HDAC9: variants seen among roughly 807,000 people sequenced by gnomAD.
The protein encoded by HDAC9 is histone deacetylase 9.
In HDAC9, 41 loss-of-function variants were observed where a neutral mutation model predicts 139.4. That is an observed-to-expected ratio of 0.29 (90% confidence interval 0.23 to 0.38). HDAC9 has a LOEUF of 0.38. HDAC9 is among the 10% of genes least tolerant of loss of function. The pLI is 1.00. For synonymous variants in HDAC9, 517 were observed against 476.2 expected, an observed-to-expected ratio of 1.09 and a Z score of -1.12; for missense variants, 1,147 against 1,297.0, an observed-to-expected ratio of 0.88 and a Z score of 1.78.
intron 23 of HDAC9, among the ~76,000 whole-genome samples, chr7:18,940,762 C>A (rs532584618): frequency 6.6e-6 from 1 of 152,086 alleles, no homozygotes; most frequent in Non-Finnish European, 1.5e-5. Flanking sequence ...TTATGCAAAG[C>A]CAATTAGTGG....
chr7:18,802,424 A>G (rs556327747), intron 17 of HDAC9, among the ~76,000 whole-genome samples: 9 of 152,086 alleles, frequency 5.9e-5, no homozygotes, highest in African/African-American at 1.9e-4. Context: ...TTTATTGACA[A>G]GTGTTCTTGC....
intron 2 of HDAC9, among the ~76,000 whole-genome samples, chr7:18,228,304 T>TG (rs989056187): frequency 3.3e-5 from 5 of 151,944 alleles, no homozygotes; most frequent in African/African-American, 1.2e-4. Flanking sequence ...CCTTTTTTTT[T>TG]TTTAATAAAG....
intron 23 of HDAC9, among the ~76,000 whole-genome samples, chr7:18,938,317 C>T (rs567602524): frequency 2.0e-5 from 3 of 151,414 alleles, no homozygotes; most frequent in Non-Finnish European, 2.9e-5. Flanking sequence ...TCTCGCTGGC[C>T]GGGCGCGGTG....
chr7:18,797,913 T>C (rs949824833), intron 17 of HDAC9, among the ~76,000 whole-genome samples: 1 of 152,146 alleles, frequency 6.6e-6, no homozygotes, highest in Non-Finnish European at 1.5e-5. Flanking sequence ...ATCGAATATA[T>C]TCTTCTTCAG....
At chr7:18,760,009 T>A (rs931994500) in intron 14 of HDAC9, among the ~76,000 whole-genome samples, 1 of 152,190 alleles carries the variant, frequency 6.6e-6, no homozygotes, top group African/African-American at 2.4e-5. Context: ...TGAAAGTTTA[T>A]GATAGTCATC....
intron 1 of HDAC9, among the ~76,000 whole-genome samples, chr7:18,109,262 C>T (rs1249365548): frequency 6.6e-6 from 1 of 152,178 alleles, no homozygotes; most frequent in Admixed American, 6.5e-5. Context: ...TCCCCCTTAA[C>T]TACAAATTGA....
chr7:18,987,649 T>C (rs1396533960), intron 25 of HDAC9, among the ~76,000 whole-genome samples: 1 of 152,128 alleles, frequency 6.6e-6, no homozygotes, highest in Non-Finnish European at 1.5e-5. Flanking sequence ...ATGGTACCAG[T>C]TCCTCCTTGT....
rs138078783 is a variant in HDAC9 at position 18,707,756 on chromosome 7, A to G, written c.1732-19824A>G. ...TCTAAAATGAGCATGTCATACTTTT[A>G]AAATGAGAAGAAAACTTTCTTAAAA... On this transcript the variant is annotated intron_variant, in intron 12 of 25. Transcript: ENST00000686413. Among the ~76,000 whole-genome samples, 726 of 152,352 alleles carry G rather than the reference A, an allele frequency of 4.8e-3. 4 individuals are homozygous for G. Among genetic ancestry groups the G allele is most frequent in the African/African-American group, 0.016 (669 of 41,592 alleles).
At chr7:18,770,012 C>A (rs1790154677) in intron 16 of HDAC9, among the ~76,000 whole-genome samples, 1 of 152,108 alleles carries the variant, frequency 6.6e-6, no homozygotes, top group Admixed American at 6.6e-5. Flanking sequence ...TTGATATATA[C>A]CTACAGAATA....
intron 2 of HDAC9, among the ~76,000 whole-genome samples, chr7:18,236,547 A>G (rs1318169165): frequency 1.3e-5 from 2 of 152,170 alleles, no homozygotes; most frequent in Non-Finnish European, 2.9e-5. Flanking sequence ...GTTTACGGAA[A>G]TTAAGATAGT....
intron 2 of HDAC9, among the ~76,000 whole-genome samples, chr7:18,547,840 C>CTTCCTTCCTTCT (rs1815545916): frequency 7.3e-6 from 1 of 137,222 alleles, no homozygotes; most frequent in African/African-American, 2.8e-5. Context: ...TCCTTCCTTC[C>CTTCCTTCCTTCT]TTCCTTCCTT....
intron 1 of HDAC9, among the ~76,000 whole-genome samples, chr7:18,359,201 C>G (rs1783573885): frequency 6.6e-6 from 1 of 152,056 alleles, no homozygotes; most frequent in African/African-American, 2.4e-5. Context: ...ACTAGAAATA[C>G]AAAAGGTAGC....
chr7:18,401,089 A>G (rs1370016643), intron 1 of HDAC9, among the ~76,000 whole-genome samples: 1 of 152,092 alleles, frequency 6.6e-6, no homozygotes, highest in East Asian at 1.9e-4. Flanking sequence ...TTCAGCTTTC[A>G]TTACTTTTAA....
intron 1 of HDAC9, among the ~76,000 whole-genome samples, chr7:18,467,888 C>A (rs1794415854): frequency 6.6e-6 from 1 of 152,086 alleles, no homozygotes; most frequent in Non-Finnish European, 1.5e-5. Context: ...CTGGTCCATG[C>A]CATTTTCTCA....
chr7:18,503,294 C>T (rs897616116), intron 2 of HDAC9, among the ~76,000 whole-genome samples: 7 of 152,056 alleles, frequency 4.6e-5, no homozygotes, highest in Non-Finnish European at 7.4e-5. Flanking sequence ...TTTTCTTTTC[C>T]CAGTAAGTTG....
chr7:18,155,093 C>CTTTT (rs397889583), intron 1 of HDAC9, among the ~76,000 whole-genome samples: 1 of 141,694 alleles, frequency 7.1e-6, no homozygotes, highest in Non-Finnish European at 1.5e-5. Context: ...TTCTTTCTTT[C>CTTTT]TTTTTTTTTT....
At chr7:18,525,009 C>G (rs1806367799) in intron 2 of HDAC9, among the ~76,000 whole-genome samples, 1 of 151,868 alleles carries the variant, frequency 6.6e-6, no homozygotes, top group African/African-American at 2.4e-5. Context: ...TCTTATGAGA[C>G]TTTAAAATCA....
At chr7:18,257,361 T>C (rs1317668031) in intron 2 of HDAC9, among the ~76,000 whole-genome samples, 2 of 142,894 alleles carry the variant, frequency 1.4e-5, no homozygotes, top group African/African-American at 5.4e-5. Flanking sequence ...GACCACCCTG[T>C]CTCTCTGACT....
At chr7:18,230,253 A>G (rs1467176831) in intron 2 of HDAC9, among the ~76,000 whole-genome samples, 1 of 152,218 alleles carries the variant, frequency 6.6e-6, no homozygotes, top group Admixed American at 6.5e-5. Flanking sequence ...CATAATTTAT[A>G]GTGCCCAGTG....
Sources: allele counts gnomAD v4.1 joint callset (sites outside exome capture counted in the v4.1 genomes callset), GRCh38; gene constraint gnomAD v4.1.1; transcripts MANE v1.5; gene names NCBI Gene and HGNC (gene_info 2026-07-23, HGNC 2026-07-21).